Variants in RUBCNL observed in about 807,000 individuals in gnomAD.
RUBCNL encodes the protein protein associated with UVRAG as autophagy enhancer.
RUBCNL carries 62 observed loss-of-function variants against 69.5 expected under a neutral mutation model. The ratio of observed to expected loss-of-function variants is 0.89; its 90% CI spans 0.73 to 1.10. The LOEUF (loss-of-function observed/expected upper bound fraction) is 1.10. Among genes scored for constraint, RUBCNL ranks in the 50% least tolerant of loss-of-function variants. RUBCNL has a pLI of 0.00. For missense variants in RUBCNL, 768 were observed against 798.1 expected (o/e 0.96, Z 0.45); for synonymous variants, 291 against 303.6 (o/e 0.96, Z 0.43).
chr13:46,376,545 C>A lies in RUBCNL; in HGVS notation c.-123+1345G>T, dbSNP rs796513345. ...TGACCTCAAATCCCACCTTGTGCAC[C>A]AATTTCTCTTTGTCACACATCTTTT... On this transcript the variant is annotated intron_variant, in intron 2 of 14. Coordinates refer to ENST00000429979, the MANE Select transcript of RUBCNL (RefSeq NM_025113.5). Among the ~76,000 whole-genome samples, 17 of 152,192 alleles carry A rather than the reference C, an allele frequency of 1.1e-4. 1 individual carries two copies. Among genetic ancestry groups the A allele is most frequent in the African/African-American group, 4.1e-4 (17 of 41,504 alleles).
In RUBCNL at chr13:46,344,847, T is replaced by C. The variant is rs1336291031; in HGVS notation, c.1786-16A>G. 1.9e-6 allele frequency: 3 copies of C among 1,576,484 alleles called. No homozygotes were observed. Among genetic ancestry groups the C allele is most frequent in the South Asian group, 1.1e-5 (1 of 88,488 alleles). ...CTTGACACAGCTGTAAAAGAAGACA[T>C]CAAAAAGTTACAACCTTCTCTTGAT... On this transcript the variant is annotated splice_polypyrimidine_tract_variant and intron_variant, in intron 13 of 14. Coordinates refer to ENST00000429979, the MANE Select transcript of RUBCNL (RefSeq NM_025113.5).
chr13:46,358,528 A>C (rs1014865933), intron 9 of RUBCNL, among the ~76,000 whole-genome samples: 4 of 152,138 alleles, frequency 2.6e-5, no homozygotes, highest in Non-Finnish European at 5.9e-5. Context: ...TAGAGAACAA[A>C]CATATTTTTA....
intron 10 of RUBCNL, among the ~76,000 whole-genome samples, chr13:46,353,848 G>A (rs1415367726): frequency 6.6e-6 from 1 of 152,206 alleles, no homozygotes; most frequent in Non-Finnish European, 1.5e-5. Flanking sequence ...TGTGGCTATT[G>A]AGTACTTGAA....
At position 46,342,696 on chromosome 13, in the gene RUBCNL, A is replaced by C. The variant is rs1291000933; in HGVS notation, c.*689T>G. Reference sequence around the variant, plus strand: ...TCACTTCTGCATCCCTTGACATTGCAGTGTGTGGAACAGAGATGACAAATA... The same window carrying C: ...TCACTTCTGCATCCCTTGACATTGCCGTGTGTGGAACAGAGATGACAAATA... On this transcript the variant is annotated 3_prime_UTR_variant, in exon 15 of 15. Coordinates refer to ENST00000429979, the MANE Select transcript of RUBCNL (RefSeq NM_025113.5). 1 of 152,222 alleles carries C rather than the reference A, an allele frequency of 6.6e-6. No homozygotes were observed. The highest frequency in any genetic ancestry group is 2.4e-5 in the African/African-American group (1 of 41,448). 9.4% of individuals were successfully genotyped at this position (152,222 alleles called of 1,614,324 possible). A position where few individuals can be genotyped will look rare whatever the true frequency, so the allele number is the denominator to read the frequency against.
In RUBCNL at chr13:46,368,729, T is replaced by C; in HGVS notation, c.618+4A>G. On this transcript the variant is annotated splice_donor_region_variant and intron_variant, in intron 4 of 14. Coordinates refer to ENST00000429979, the MANE Select transcript of RUBCNL (RefSeq NM_025113.5). ...TGGTTAAAAAGAAAGAAGATAGCAT[T>C]CACCTTTTCTACATCAACAGGCAGC... The C allele has an allele frequency of 6.2e-7, 1 of 1,609,188 alleles. No individual in the cohort carries two copies. The highest frequency in any genetic ancestry group is 8.5e-7 in the Non-Finnish European group (1 of 1,176,718).
intron 12 of RUBCNL, 29 bp downstream of exon 12, chr13:46,349,257 A>C: frequency 6.2e-7 from 1 of 1,604,658 alleles, no homozygotes; most frequent in Non-Finnish European, 8.5e-7. Flanking sequence ...TATGGAGGGA[A>C]GGCAGCCTGT....
At chr13:46,351,828 C>CTTTT (rs57329384) in intron 10 of RUBCNL, among the ~76,000 whole-genome samples, 46,907 of 129,114 alleles carry the variant, frequency 0.36, 9,401 homozygotes, top group East Asian at 0.48. Flanking sequence ...GCTCTTTACA[C>CTTTT]TTTTTTTTTT....
chr13:46,388,094 G>A (rs554174960), upstream of RUBCNL, among the ~76,000 whole-genome samples: 13 of 150,748 alleles, frequency 8.6e-5, no homozygotes, highest in Non-Finnish European at 3.0e-5. Context: ...TGCCTGTTAT[G>A]CCGGCTACTA....
chr13:46,384,527 C>G (rs1249627483), intron 1 of RUBCNL, among the ~76,000 whole-genome samples: 1 of 152,080 alleles, frequency 6.6e-6, no homozygotes. Flanking sequence ...AACCAGCAAA[C>G]AGTACCTGCT....
chr13:46,374,213 G>T (rs781733699), intron 2 of RUBCNL, among the ~76,000 whole-genome samples: 2 of 152,162 alleles, frequency 1.3e-5, no homozygotes, highest in Admixed American at 6.5e-5. Context: ...CAAGTAGCTG[G>T]GATTACAGGT....
rs115225009 is a variant in RUBCNL, at chr13:46,335,332, G to A, written c.*8053C>T. Among the ~76,000 whole-genome samples, 599 of 147,078 alleles carry A rather than the reference G, an allele frequency of 4.1e-3. 5 individuals are homozygous for A. Among genetic ancestry groups the A allele is most frequent in the African/African-American group, 0.014 (560 of 38,626 alleles). ...TTGCACAGGCTGGTCACAAACTCCT[G>A]GGCTCAAGTCATCCTCCTGCATTGG... On this transcript the variant is annotated 3_prime_UTR_variant, in exon 15 of 15. Coordinates refer to ENST00000429979, the MANE Select transcript of RUBCNL (RefSeq NM_025113.5).
At chr13:46,387,763 G>T, upstream of RUBCNL, 7 of 985,670 alleles carry the variant, frequency 7.1e-6, no homozygotes, top group Non-Finnish European at 8.4e-6. Context: ...CACTGTCCGC[G>T]TTAGTTTAGC....
intron 8 of RUBCNL, among the ~76,000 whole-genome samples, chr13:46,360,225 C>G (rs2048581057): frequency 6.6e-6 from 1 of 152,058 alleles, no homozygotes; most frequent in Non-Finnish European, 1.5e-5. Context: ...CCTGTCTCTA[C>G]TAAAAGTACA....
rs1489488972 is a variant in RUBCNL, at chr13:46,343,494, C to A, written c.1880G>T (p.Cys627Phe). Residue 627 changes from cysteine to phenylalanine, a missense_variant, in exon 15 of 15, where the codon TGC becomes TTC. By Grantham distance (205) the Cys-to-Phe change is radical. Coordinates refer to ENST00000429979, the MANE Select transcript of RUBCNL (RefSeq NM_025113.5). The part of the protein sequence containing the change: ...QTATCRRCSA[C>F]RACFHKQCFQ... The stretch of plus-strand genomic sequence containing the variant: ...GCACTGTTTGTGAAAGCAAGCCCTG[C>A]ACGCTGCAAGCAAGGAAGAGAGCCG... 1 of 1,613,226 alleles carries A rather than the reference C, an allele frequency of 6.2e-7. No individual in the cohort carries two copies. Among genetic ancestry groups the A allele is most frequent in the Admixed American group, 1.7e-5 (1 of 59,994 alleles).
chr13:46,349,739 C>T (rs370437994), intron 11 of RUBCNL, among the ~76,000 whole-genome samples: 2 of 151,274 alleles, frequency 1.3e-5, no homozygotes, highest in East Asian at 1.9e-4. Flanking sequence ...TGCAGTAGTG[C>T]AATCTCGGCT....
In RUBCNL at chr13:46,337,934, C is replaced by T. The variant is rs2048114480; in HGVS notation, c.*5451G>A. 6.6e-6 allele frequency among the ~76,000 whole-genome samples: 1 copy of T among 152,174 alleles called. No individual in the cohort carries two copies. The highest frequency in any genetic ancestry group is 2.1e-4 in the South Asian group (1 of 4,834). ...CAGGAGCAAAGGGAGAATAAAGTCTCTCTCATAGCTTCCAAGAGACTTTCA... is the reference window on the plus strand; with the variant it reads ...CAGGAGCAAAGGGAGAATAAAGTCTTTCTCATAGCTTCCAAGAGACTTTCA... On this transcript the variant is annotated 3_prime_UTR_variant, in exon 15 of 15. Coordinates refer to ENST00000429979, the MANE Select transcript of RUBCNL (RefSeq NM_025113.5).
At chr13:46,367,703 ATG>A (rs2048788516) in intron 5 of RUBCNL, among the ~76,000 whole-genome samples, 1 of 152,178 alleles carries the variant, frequency 6.6e-6, no homozygotes, top group African/African-American at 2.4e-5. Context: ...AAAATATTCA[ATG>A]AAAAGTTCCA....
chr13:46,375,807 A>T (rs2048979697), intron 2 of RUBCNL, among the ~76,000 whole-genome samples: 1 of 152,158 alleles, frequency 6.6e-6, no homozygotes, highest in African/African-American at 2.4e-5. Flanking sequence ...ATTATAATTT[A>T]TACACACACA....
At chr13:46,372,678 C>G (rs1415922232) in intron 2 of RUBCNL, 81 bp from the exon 3 acceptor site, 1 of 1,335,400 alleles carries the variant, frequency 7.5e-7, no homozygotes, top group Non-Finnish European at 9.8e-7. Flanking sequence ...ATGGCAAAAC[C>G]CAAAAAATTT....
Sources: gnomAD v4.1 joint callset for allele counts (sites outside exome capture counted in the v4.1 genomes callset) on GRCh38, gnomAD v4.1.1 for gene constraint, MANE v1.5 for transcripts, NCBI Gene and HGNC (gene_info 2026-07-23, HGNC 2026-07-21) for gene names.